The following ST8SIA6 variants were observed in gnomAD, a reference collection of about 807,000 sequenced individuals.
ST8SIA6 encodes alpha-2,8-sialyltransferase 8F.
In ST8SIA6, 39 loss-of-function variants were observed where a neutral mutation model predicts 33.6. That is an observed-to-expected ratio of 1.16 (90% CI 0.90 to 1.52). ST8SIA6 has a LOEUF of 1.52. ST8SIA6 is among the 40% of genes most tolerant of loss of function. ST8SIA6 has a pLI of 0.00. For missense variants in ST8SIA6, 441 were observed against 443.8 expected (o/e 0.99, Z 0.06); for synonymous variants, 172 against 167.2 (o/e 1.03, Z -0.22).
Position 17,321,093 on chromosome 10 carries a change from T to C in ST8SIA6, c.982A>G (p.Thr328Ala), listed in dbSNP as rs1175270240. The change falls in exon 8 of 8, where the codon ACA becomes GCA. Residue 328 changes from threonine to alanine, a missense_variant. Coordinates refer to ENST00000377602, the MANE Select transcript of ST8SIA6 (RefSeq NM_001004470.3). ...AYRLSTGLMI[T>A]SVAVELCKNV... Reference sequence around the variant, plus strand: ...TTACACAGTTCCACTGCAACACTTGTGATCATCAAGCCGGTGGACAAGCGG... The same window carrying C: ...TTACACAGTTCCACTGCAACACTTGCGATCATCAAGCCGGTGGACAAGCGG... 1 of 1,614,132 alleles carries C rather than the reference T, an allele frequency of 6.2e-7. No individual in the cohort carries two copies. The highest frequency in any genetic ancestry group is 1.7e-5 in the Admixed American group (1 of 60,006).
chr10:17,351,574 A>G (rs575675048), intron 4 of ST8SIA6, among the ~76,000 whole-genome samples: 9 of 151,150 alleles, frequency 6.0e-5, no homozygotes, highest in East Asian at 1.9e-4. Context: ...AATGAAATCA[A>G]TATGTTAAAA....
intron 2 of ST8SIA6, among the ~76,000 whole-genome samples, chr10:17,442,099 C>T (rs900392360): frequency 6.6e-6 from 1 of 152,126 alleles, no homozygotes; most frequent in Non-Finnish European, 1.5e-5. Context: ...AAACTCCTGA[C>T]CTCGTGATCC....
chr10:17,430,073 C>T (rs1054874501), intron 2 of ST8SIA6, among the ~76,000 whole-genome samples: 1 of 152,106 alleles, frequency 6.6e-6, no homozygotes, highest in African/African-American at 2.4e-5. Context: ...TTCTGAGTCT[C>T]TAAAGACCAT....
chr10:17,384,437 G>GTATA (rs1174116990), intron 3 of ST8SIA6, among the ~76,000 whole-genome samples: 2 of 152,186 alleles, frequency 1.3e-5, no homozygotes, highest in Admixed American at 1.3e-4. Context: ...ATTAGGCCAA[G>GTATA]TATAATAAGC....
chr10:17,373,802 G>A, intron 3 of ST8SIA6, among the ~76,000 whole-genome samples: 1 of 151,968 alleles, frequency 6.6e-6, no homozygotes, highest in Non-Finnish European at 1.5e-5. Context: ...TTCCCAAAAA[G>A]GCTTCATTCA....
chr10:17,374,357 A>G (rs548960460), intron 3 of ST8SIA6, among the ~76,000 whole-genome samples: 1 of 152,138 alleles, frequency 6.6e-6, no homozygotes, highest in Non-Finnish European at 1.5e-5. Flanking sequence ...CCACCTTTTA[A>G]TAAATTTGAC....
intron 3 of ST8SIA6, among the ~76,000 whole-genome samples, chr10:17,384,755 A>G (rs1850273427): frequency 6.6e-6 from 1 of 152,220 alleles, no homozygotes; most frequent in Admixed American, 6.5e-5. Flanking sequence ...ACAGCAACCA[A>G]TTTACATACA....
chr10:17,414,354 C>T (rs1851541454), intron 2 of ST8SIA6, among the ~76,000 whole-genome samples: 1 of 152,124 alleles, frequency 6.6e-6, no homozygotes, highest in Non-Finnish European at 1.5e-5. Context: ...CTCCTCCAAC[C>T]TCCCATATCC....
chr10:17,357,142 T>TC (rs1849222386), intron 4 of ST8SIA6, among the ~76,000 whole-genome samples: 1 of 151,508 alleles, frequency 6.6e-6, no homozygotes, highest in Non-Finnish European at 1.5e-5. Context: ...CTTTTTTTTT[T>TC]TTCTTTTGAG....
chr10:17,372,223 G>GATA (rs1397406756), intron 3 of ST8SIA6, among the ~76,000 whole-genome samples: 1 of 152,196 alleles, frequency 6.6e-6, no homozygotes, highest in East Asian at 1.9e-4. Flanking sequence ...TGCTACGTAA[G>GATA]ATAATGCTAT....
At chr10:17,390,394 A>G in intron 3 of ST8SIA6, 137 bp downstream of exon 3, 2 of 692,020 alleles carry the variant, frequency 2.9e-6, no homozygotes, top group South Asian at 4.7e-5. Context: ...ATGCTCATTA[A>G]CAGGAGCTTC....
intron 5 of ST8SIA6, among the ~76,000 whole-genome samples, chr10:17,331,075 A>C (rs1270713736): frequency 3.3e-5 from 5 of 152,218 alleles, no homozygotes; most frequent in Non-Finnish European, 7.3e-5. Context: ...ATAACTGACA[A>C]TTGGAAGAAT....
chr10:17,366,756 C>A (rs749679121), intron 3 of ST8SIA6, among the ~76,000 whole-genome samples: 1 of 152,052 alleles, frequency 6.6e-6, no homozygotes. Context: ...GTAGAAGATG[C>A]AGTCATCCCT....
Position 17,317,359 on chromosome 10 carries a change from G to C in ST8SIA6, c.*3519C>G, listed in dbSNP as rs1043276713. ...CTCTCAGGAGGGTACTGGTGACACTGTTCCTCGCTATGGGATCAGCCTTCT... is the reference window on the plus strand; with the variant it reads ...CTCTCAGGAGGGTACTGGTGACACTCTTCCTCGCTATGGGATCAGCCTTCT... On this transcript the variant is annotated 3_prime_UTR_variant, in exon 8 of 8. Coordinates refer to ENST00000377602, the MANE Select transcript of ST8SIA6 (RefSeq NM_001004470.3). Among the ~76,000 whole-genome samples, 5 of 152,140 alleles carry C rather than the reference G, an allele frequency of 3.3e-5. No individual in the cohort carries two copies. The highest frequency in any genetic ancestry group is 7.4e-5 in the Non-Finnish European group (5 of 68,022).
At chr10:17,431,784 C>A (rs1852110416) in intron 2 of ST8SIA6, among the ~76,000 whole-genome samples, 1 of 150,908 alleles carries the variant, frequency 6.6e-6, no homozygotes, top group African/African-American at 2.4e-5. Context: ...TCAGTTTCTA[C>A]TATATGCCAT....
chr10:17,358,653 AAG>A (rs1278412264), intron 4 of ST8SIA6, among the ~76,000 whole-genome samples: 9 of 62,626 alleles, frequency 1.4e-4, no homozygotes, highest in Non-Finnish European at 3.5e-5. Context: ...GAAAAAGAAT[AAG>A]GAGGAGGAGG....
chr10:17,426,267 C>T (rs549692785), intron 2 of ST8SIA6, among the ~76,000 whole-genome samples: 56 of 152,264 alleles, frequency 3.7e-4, no homozygotes, highest in Admixed American at 1.0e-3. Context: ...TGCTGGGTGT[C>T]ATGTGTCTAG....
intron 2 of ST8SIA6, among the ~76,000 whole-genome samples, chr10:17,450,915 C>T (rs910951742): frequency 4.6e-5 from 7 of 152,152 alleles, no homozygotes; most frequent in African/African-American, 1.4e-4. Context: ...CACACACACA[C>T]CATCTTTCCC....
rs1392042102 is a variant in ST8SIA6 at position 17,316,769 on chromosome 10, C to T, written c.*4109G>A. 6.6e-6 allele frequency among the ~76,000 whole-genome samples: 1 copy of T among 152,066 alleles called. No individual in the cohort carries two copies. Among genetic ancestry groups the T allele is most frequent in the African/African-American group, 2.4e-5 (1 of 41,440 alleles). On this transcript the variant is annotated 3_prime_UTR_variant, in exon 8 of 8. Coordinates refer to ENST00000377602, the MANE Select transcript of ST8SIA6 (RefSeq NM_001004470.3). ...ACTCAGCTTTCCCCTTTGTAAATCACATTCTTATCTTTTGTTCATTTTTAT... is the reference window on the plus strand; with the variant it reads ...ACTCAGCTTTCCCCTTTGTAAATCATATTCTTATCTTTTGTTCATTTTTAT...
Sources: gnomAD v4.1 joint callset for allele counts (sites outside exome capture counted in the v4.1 genomes callset) on GRCh38, gnomAD v4.1.1 for gene constraint, MANE v1.5 for transcripts, NCBI Gene and HGNC (gene_info 2026-07-23, HGNC 2026-07-21) for gene names.